PREX2: variants seen among roughly 807,000 people sequenced by gnomAD.
PREX2 encodes phosphatidylinositol-3,4,5-trisphosphate dependent Rac exchange factor 2, also known as phosphatidylinositol 3,4,5-trisphosphate-dependent Rac exchanger 2 protein.
A neutral mutation model predicts 203.2 loss-of-function variants in PREX2; 107 were observed. The observed-to-expected ratio is 0.53, with a 90% CI of 0.45 to 0.62. PREX2 has a LOEUF of 0.62. Among genes scored for constraint, PREX2 ranks in the 20% least tolerant of loss-of-function variants. The pLI, the probability that PREX2 is intolerant of heterozygous loss-of-function variation, is 0.00. For missense variants in PREX2, 1,777 were observed against 1,955.9 expected (o/e 0.91, Z 1.72); for synonymous variants, 672 against 663.6 (o/e 1.01, Z -0.19).
chr8:68,127,571 G>A, intron 31 of PREX2, 152 bp downstream of exon 31: 1 of 476,222 alleles, frequency 2.1e-6, no homozygotes, highest in Non-Finnish European at 3.7e-6. Flanking sequence ...ATTAGAAAAA[G>A]TACTCACATC....
intron 5 of PREX2, among the ~76,000 whole-genome samples, chr8:68,027,615 A>T (rs531211668): frequency 2.6e-5 from 4 of 152,222 alleles, no homozygotes; most frequent in African/African-American, 9.6e-5. Flanking sequence ...GTTCATTATG[A>T]CTAGTTTATA....
At chr8:68,212,303 T>TATGGGTA (rs1420957496) in intron 37 of PREX2, among the ~76,000 whole-genome samples, 4 of 152,222 alleles carry the variant, frequency 2.6e-5, no homozygotes, top group African/African-American at 7.2e-5. Context: ...CATTTATTTT[T>TATGGGTA]ATGGGTAATT....
chr8:68,091,844 G>C (rs1281358898), intron 20 of PREX2, among the ~76,000 whole-genome samples: 1 of 152,064 alleles, frequency 6.6e-6, no homozygotes, highest in Non-Finnish European at 1.5e-5. Context: ...GTGTTGATCA[G>C]TGAAATAATT....
chr8:68,083,164 TA>T, intron 17 of PREX2, 75 bp from the exon 18 acceptor site: 1 of 1,059,950 alleles, frequency 9.4e-7, no homozygotes. Flanking sequence ...AAACTTTTCA[TA>T]TTCCAATTTT....
intron 5 of PREX2, among the ~76,000 whole-genome samples, chr8:68,027,998 G>GT: frequency 6.6e-6 from 1 of 152,044 alleles, no homozygotes; most frequent in African/African-American, 2.4e-5. Context: ...TTGAAACTGC[G>GT]TTTTTTGGAA....
chr8:68,076,363 G>T (rs1003379932), intron 14 of PREX2, among the ~76,000 whole-genome samples: 2 of 152,024 alleles, frequency 1.3e-5, no homozygotes, highest in Non-Finnish European at 1.5e-5. Flanking sequence ...AGGCTGAGGT[G>T]GGAGAATCGC....
intron 3 of PREX2, among the ~76,000 whole-genome samples, chr8:68,021,163 T>C (rs1254342366): frequency 6.6e-6 from 1 of 152,198 alleles, no homozygotes; most frequent in Admixed American, 6.5e-5. Context: ...TATTTATCTA[T>C]GAAGGCTGTT....
intron 7 of PREX2, among the ~76,000 whole-genome samples, chr8:68,043,675 C>T (rs943307009): frequency 1.3e-5 from 2 of 151,894 alleles, no homozygotes; most frequent in South Asian, 4.2e-4. Flanking sequence ...TTTTTTAATC[C>T]CCTTGAATCA....
intron 14 of PREX2, among the ~76,000 whole-genome samples, chr8:68,076,965 C>G (rs1809372174): frequency 6.6e-6 from 1 of 152,042 alleles, no homozygotes; most frequent in African/African-American, 2.4e-5. Context: ...CCTCACAGGG[C>G]AAGGCCATTT....
chr8:68,178,533 A>C (rs1263647820), intron 35 of PREX2, among the ~76,000 whole-genome samples: 1 of 151,926 alleles, frequency 6.6e-6, no homozygotes, highest in Non-Finnish European at 1.5e-5. Flanking sequence ...AGTTGGATAG[A>C]TTGCAAAATT....
chr8:68,040,623 C>T (rs552020382), intron 7 of PREX2, among the ~76,000 whole-genome samples: 3 of 152,244 alleles, frequency 2.0e-5, no homozygotes, highest in African/African-American at 7.2e-5. Flanking sequence ...CTTCCCTGAC[C>T]ATCCCATCTA....
intron 15 of PREX2, among the ~76,000 whole-genome samples, chr8:68,078,275 C>G (rs929686294): frequency 6.6e-6 from 1 of 152,110 alleles, no homozygotes; most frequent in Non-Finnish European, 1.5e-5. Flanking sequence ...AAGCGATTCT[C>G]CCACCTCAGC....
chr8:68,138,352 G>A (rs1811153479), intron 32 of PREX2, 63 bp from the exon 33 acceptor site: 1 of 842,614 alleles, frequency 1.2e-6, no homozygotes, highest in African/African-American at 1.7e-5. Flanking sequence ...TTTACATTAT[G>A]TCATGTTACG....
At chr8:68,188,145 C>G (rs560814870) in intron 35 of PREX2, among the ~76,000 whole-genome samples, 1 of 152,274 alleles carries the variant, frequency 6.6e-6, no homozygotes, top group South Asian at 2.1e-4. Flanking sequence ...CTGAACCAAA[C>G]TCAACCAAAT....
At chr8:68,196,963 G>A (rs1432895835) in intron 37 of PREX2, among the ~76,000 whole-genome samples, 2 of 152,104 alleles carry the variant, frequency 1.3e-5, no homozygotes, top group Non-Finnish European at 2.9e-5. Flanking sequence ...TTTATAAAGA[G>A]CAGAAATGTA....
At position 68,021,362 on chromosome 8, in the gene PREX2, T is replaced by A. The variant is rs550982328; in HGVS notation, c.337-674T>A. Among the ~76,000 whole-genome samples, 8 of 152,344 alleles carry A rather than the reference T, an allele frequency of 5.3e-5. No homozygotes were observed. The South Asian group carries it at 1.7e-3, about 32-fold the overall frequency. The stretch of plus-strand genomic sequence containing the variant: ...ACATAACGCTGTTTGAAAGTATTCA[T>A]GATTTCCTGACTTTTCTATACCTAC... On this transcript the variant is annotated intron_variant, in intron 3 of 39. Transcript: ENST00000288368.
intron 34 of PREX2, among the ~76,000 whole-genome samples, chr8:68,155,821 G>GT: frequency 6.6e-6 from 1 of 152,030 alleles, no homozygotes; most frequent in East Asian, 1.9e-4. Context: ...CCTCATAAGG[G>GT]TTAAAGGAAA....
At chr8:68,099,884 T>A (rs772126759) in intron 23 of PREX2, 41 bp downstream of exon 23, 25 of 1,491,892 alleles carry the variant, frequency 1.7e-5, no homozygotes, top group Non-Finnish European at 2.2e-5. Flanking sequence ...ATTGTTGAAA[T>A]TATTATTTGA....
At position 68,055,897 on chromosome 8, in the gene PREX2, A is replaced by C; in HGVS notation, c.1161A>C (p.Lys387Asn). 1 of 1,613,306 alleles carries C rather than the reference A, an allele frequency of 6.2e-7. No homozygotes were observed. ...MISEQGEKLY[K>N]MMCRQGNLIK... Reference sequence around the variant, plus strand: ...CTGAACAGGGTGAGAAACTTTATAAAATGATGTGCAGACAAGGAAATCTGA... The same window carrying C: ...CTGAACAGGGTGAGAAACTTTATAACATGATGTGCAGACAAGGAAATCTGA... Residue 387 changes from lysine to asparagine, a missense_variant, in exon 10 of 40, where the codon AAA becomes AAC. Coordinates refer to ENST00000288368, the MANE Select transcript of PREX2 (RefSeq NM_024870.4).
Sources: gnomAD v4.1 joint callset for allele counts (sites outside exome capture counted in the v4.1 genomes callset) on GRCh38, gnomAD v4.1.1 for gene constraint, MANE v1.5 for transcripts, NCBI Gene and HGNC (gene_info 2026-07-23, HGNC 2026-07-21) for gene names.